Variants in FLT3 observed in about 807,000 individuals in gnomAD.
FLT3 encodes fms related receptor tyrosine kinase 3, also known as receptor-type tyrosine-protein kinase FLT3.
In FLT3, 46 loss-of-function variants were observed where a neutral mutation model predicts 126.6. The observed-to-expected ratio is 0.36, with a 90% CI of 0.29 to 0.46. The LOEUF is 0.46. FLT3 is among the 20% of genes least tolerant of loss of function. The probability of loss-of-function intolerance (pLI) is 1.00; values close to 1 mark genes in which losing one functional copy is unlikely to be tolerated. For missense variants in FLT3, 1,069 were observed against 1,190.3 expected (o/e 0.90, Z 1.50); for synonymous variants, 404 against 434.4 (o/e 0.93, Z 0.87).
chr13:28,049,796 A>G, intron 6 of FLT3, 22 bp from the exon 7 acceptor site: 1 of 1,597,296 alleles, frequency 6.3e-7, no homozygotes, highest in Non-Finnish European at 8.5e-7. Flanking sequence ...AAACATCCCA[A>G]GTGAGAAAAA....
At chr13:28,072,242 T>C (rs529749284) in intron 1 of FLT3, among the ~76,000 whole-genome samples, 1 of 151,698 alleles carries the variant, frequency 6.6e-6, no homozygotes, top group Admixed American at 6.6e-5. Context: ...TAAGTATATA[T>C]GTACATATAA....
At chr13:28,029,089 G>T (rs1382655238) in intron 15 of FLT3, among the ~76,000 whole-genome samples, 2 of 152,068 alleles carry the variant, frequency 1.3e-5, no homozygotes, top group Non-Finnish European at 2.9e-5. Flanking sequence ...GCCTAAGGCA[G>T]AATTCAGACT....
At chr13:28,057,277 G>A (rs755235403) in intron 4 of FLT3, 70 bp downstream of exon 4, 18 of 781,754 alleles carry the variant, frequency 2.3e-5, no homozygotes, top group Non-Finnish European at 3.7e-5. Flanking sequence ...TCAAGCTAAC[G>A]GGTTCTAAAC....
chr13:28,042,168 AAT>A (rs932049881), intron 9 of FLT3, among the ~76,000 whole-genome samples: 2 of 138,650 alleles, frequency 1.4e-5, no homozygotes, highest in African/African-American at 5.4e-5. Context: ...TAATAATAAT[AAT>A]AATAATAATA....
At chr13:28,058,214 A>AC (rs1876195726) in intron 3 of FLT3, among the ~76,000 whole-genome samples, 2 of 92,352 alleles carry the variant, frequency 2.2e-5, no homozygotes, top group Admixed American at 1.1e-4. Flanking sequence ...AATTAAAAAA[A>AC]AAAAACAAAA....
intron 23 of FLT3, among the ~76,000 whole-genome samples, chr13:28,012,657 A>G (rs779641834): frequency 6.6e-6 from 1 of 152,094 alleles, no homozygotes; most frequent in Non-Finnish European, 1.5e-5. Context: ...TCTCTTAGCC[A>G]GGCGTGGTGG....
At chr13:28,033,768 G>T (rs1593240019) in intron 15 of FLT3, 119 bp downstream of exon 15, 2 of 791,058 alleles carry the variant, frequency 2.5e-6, no homozygotes, top group East Asian at 4.9e-5. Flanking sequence ...TCCATTTTTA[G>T]CCTTGAAACA....
At chr13:28,073,751 G>C (rs1023650774) in intron 1 of FLT3, among the ~76,000 whole-genome samples, 1 of 151,170 alleles carries the variant, frequency 6.6e-6, no homozygotes, top group Non-Finnish European at 1.5e-5. Flanking sequence ...CTGAGAGATA[G>C]AGTGAAACCC....
chr13:28,052,497 G>A (rs1875603444), intron 5 of FLT3, 48 bp downstream of exon 5: 3 of 1,549,748 alleles, frequency 1.9e-6, no homozygotes, highest in Non-Finnish European at 2.6e-6. Context: ...ATTAGAAAAA[G>A]GCCAAAAGGA....
At chr13:28,068,900 C>T (rs1296332931) in intron 2 of FLT3, among the ~76,000 whole-genome samples, 1 of 152,114 alleles carries the variant, frequency 6.6e-6, no homozygotes, top group African/African-American at 2.4e-5. Flanking sequence ...TTCAGTTCTC[C>T]ATCACTTAAG....
chr13:28,032,276 G>A (rs1238942896), intron 15 of FLT3, among the ~76,000 whole-genome samples: 1 of 152,202 alleles, frequency 6.6e-6, no homozygotes, highest in Admixed American at 6.5e-5. Flanking sequence ...TCCGAAAGGA[G>A]ACGCAAGCAT....
At chr13:28,031,525 A>G (rs1427299033) in intron 15 of FLT3, among the ~76,000 whole-genome samples, 1 of 152,182 alleles carries the variant, frequency 6.6e-6, no homozygotes, top group Non-Finnish European at 1.5e-5. Flanking sequence ...ATTGGATGTT[A>G]AAAAATGTCA....
At chr13:28,024,585 C>T (rs532470868) in intron 18 of FLT3, among the ~76,000 whole-genome samples, 19 of 152,276 alleles carry the variant, frequency 1.2e-4, no homozygotes, top group East Asian at 5.8e-4. Context: ...TATGTAACTT[C>T]GGAACTCATT....
chr13:28,031,153 A>G (rs555561409), intron 15 of FLT3, among the ~76,000 whole-genome samples: 4 of 152,060 alleles, frequency 2.6e-5, no homozygotes, highest in African/African-American at 7.2e-5. Context: ...GCGTGAACCC[A>G]GGAGGCGGAG....
chr13:28,010,492 T>C (rs1020888274), intron 23 of FLT3, among the ~76,000 whole-genome samples: 4 of 152,236 alleles, frequency 2.6e-5, no homozygotes, highest in Non-Finnish European at 1.5e-5. Context: ...GATCTGGTTC[T>C]TAAAGATTGA....
chr13:28,068,805 C>G (rs9554237), intron 2 of FLT3, among the ~76,000 whole-genome samples: 29,429 of 152,024 alleles, frequency 0.19, 2,874 homozygotes, highest in Middle Eastern at 0.26. Context: ...TCAAACTCCT[C>G]AGCTCAAGCG....
intron 16 of FLT3, among the ~76,000 whole-genome samples, 172 bp downstream of exon 16, chr13:28,028,006 C>G (rs1872964221): frequency 6.6e-6 from 1 of 152,148 alleles, no homozygotes; most frequent in African/African-American, 2.4e-5. Flanking sequence ...ATTTTGACCC[C>G]TCTGATTTAT....
chr13:28,070,645 A>G, intron 1 of FLT3, 33 bp from the exon 2 acceptor site: 1 of 1,529,880 alleles, frequency 6.5e-7, no homozygotes, highest in Non-Finnish European at 9.0e-7. Context: ...TAATGTTGAT[A>G]CATGCACACC....
At chr13:28,029,870 T>G (rs76428106) in intron 15 of FLT3, among the ~76,000 whole-genome samples, 5 of 152,234 alleles carry the variant, frequency 3.3e-5, no homozygotes, top group African/African-American at 1.2e-4. Context: ...ACTGTACTTA[T>G]AAGCTGACTT....
Sources: allele counts gnomAD v4.1 joint callset (sites outside exome capture counted in the v4.1 genomes callset), GRCh38; gene constraint gnomAD v4.1.1; transcripts MANE v1.5; gene names NCBI Gene and HGNC (gene_info 2026-07-23, HGNC 2026-07-21).